Variants in PLEKHF1 observed in about 807,000 individuals in gnomAD.
The protein encoded by PLEKHF1 is pleckstrin homology domain-containing family F member 1.
In PLEKHF1, 1 loss-of-function variant was observed where a neutral mutation model predicts 4.1. The ratio of observed to expected loss-of-function variants is 0.24; its 90% CI spans 0.09 to 1.15. PLEKHF1 has a LOEUF of 1.15. Among genes scored for constraint, PLEKHF1 ranks in the 50% most tolerant of loss-of-function variants. The pLI is 0.52. For missense variants in PLEKHF1, 429 were observed against 400.6 expected (o/e 1.07, Z -0.60); for synonymous variants, 182 against 178.5 (o/e 1.02, Z -0.16).
At position 29,674,105 on chromosome 19, in the gene PLEKHF1, T is replaced by C; in HGVS notation, c.266T>C (p.Leu89Pro). 6.2e-7 allele frequency: 1 copy of C among 1,613,990 alleles called. No homozygotes were observed. The highest frequency in any genetic ancestry group is 8.5e-7 in the Non-Finnish European group (1 of 1,180,016). Residue 89 changes from leucine to proline, a missense_variant, in exon 2 of 2, where the codon CTG (leucine) becomes CCG (proline). Transcript: ENST00000436066. ...IIPLEEVTLE[L>P]LPETLQAKNR... The stretch of plus-strand genomic sequence containing the variant: ...CCCCTGGAGGAGGTCACACTGGAGC[T>C]GTTGCCGGAGACGCTGCAGGCCAAG...
At chr19:29,670,283 C>T (rs1297429879) in intron 1 of PLEKHF1, among the ~76,000 whole-genome samples, 3 of 152,152 alleles carry the variant, frequency 2.0e-5, no homozygotes, top group African/African-American at 4.8e-5. Context: ...AGACAACCTC[C>T]GCATTCCCCT....
chr19:29,673,143 G>A (rs573094918), intron 1 of PLEKHF1, among the ~76,000 whole-genome samples: 123 of 152,300 alleles, frequency 8.1e-4, no homozygotes, highest in Middle Eastern at 6.8e-3. Context: ...AGCACTCGGC[G>A]CCTGTGCTTG....
intron 1 of PLEKHF1, chr19:29,667,232 C>CA (rs1362302628): frequency 1.3e-5 from 2 of 152,596 alleles, no homozygotes; most frequent in African/African-American, 4.8e-5. Flanking sequence ...ACCGTCCTCC[C>CA]AGGCCCTGCC....
At position 29,674,053 on chromosome 19, in the gene PLEKHF1, C is replaced by T. The variant is rs139410556; in HGVS notation, c.214C>T (p.Arg72Cys). ...GTATGGCAGCATCGTGCTCAACAAGCGCAAGTACCGCAGCCAGCACATCAT... is the reference window on the plus strand; with the variant it reads ...GTATGGCAGCATCGTGCTCAACAAGTGCAAGTACCGCAGCCAGCACATCAT... Reference protein sequence around the residue: ...LVYGSIVLNKRKYRSQHIIPL... With the variant: ...LVYGSIVLNKCKYRSQHIIPL... The change falls in exon 2 of 2, where the codon CGC (arginine) becomes TGC (cysteine). Residue 72 changes from arginine (R) to cysteine (C), a missense_variant. Physicochemically the swap from Arg to Cys is radical, Grantham distance 180. Transcript: ENST00000436066. 3.1e-6 allele frequency: 5 copies of T among 1,614,128 alleles called. No individual in the cohort carries two copies. The highest frequency in any genetic ancestry group is 1.1e-5 in the South Asian group (1 of 91,092).
intron 1 of PLEKHF1, among the ~76,000 whole-genome samples, chr19:29,669,547 A>C (rs1413778783): frequency 2.0e-5 from 3 of 152,200 alleles, no homozygotes; most frequent in Non-Finnish European, 4.4e-5. Flanking sequence ...AGGCCCAGCC[A>C]GGCGTCCCAT....
At chr19:29,669,551 G>C (rs139485004) in intron 1 of PLEKHF1, among the ~76,000 whole-genome samples, 1 of 152,148 alleles carries the variant, frequency 6.6e-6, no homozygotes, top group African/African-American at 2.4e-5. Context: ...CCAGCCAGGC[G>C]TCCCATCATG....
intron 1 of PLEKHF1, among the ~76,000 whole-genome samples, chr19:29,669,473 T>C (rs1971606082): frequency 6.6e-6 from 1 of 152,192 alleles, no homozygotes; most frequent in Non-Finnish European, 1.5e-5. Flanking sequence ...GTGGCCTTGC[T>C]TCTTCGGGGC....
rs535692925 is a variant in PLEKHF1, at chr19:29,671,161, G to A, written c.-16-2663G>A. On this transcript the variant is annotated intron_variant, in intron 1 of 1. Coordinates refer to ENST00000436066, the MANE Select transcript of PLEKHF1 (RefSeq NM_024310.5). The surrounding 1 kb of genome is among the most constrained non-coding windows in gnomAD (Gnocchi z 4.0). ...GTCACACAGGCTGGAGTGCAATGGC[G>A]CCATCTTGGCTCACTGCAACCTCTG... Among the ~76,000 whole-genome samples, 4 of 149,288 alleles carry A rather than the reference G, an allele frequency of 2.7e-5. No homozygotes were observed. The highest frequency in any genetic ancestry group is 2.1e-4 in the South Asian group (1 of 4,720).
At chr19:29,666,838 G>A (rs1971574883) in intron 1 of PLEKHF1, 1 of 152,224 alleles carries the variant, frequency 6.6e-6, no homozygotes, top group South Asian at 2.1e-4. Flanking sequence ...CTCAGTCGGC[G>A]GCACTTCCAG....
At chr19:29,673,543 C>G (rs1971654546) in intron 1 of PLEKHF1, among the ~76,000 whole-genome samples, 1 of 152,148 alleles carries the variant, frequency 6.6e-6, no homozygotes, top group Non-Finnish European at 1.5e-5. Context: ...ACCGCTGCAC[C>G]TGGCCTAAGT....
At position 29,674,386 on chromosome 19, in the gene PLEKHF1, T is replaced by TG. The variant is rs1971675649; in HGVS notation, c.548dup (p.Cys183TrpfsTer3). On this transcript the variant is annotated frameshift_variant, in exon 2 of 2. Coordinates refer to ENST00000436066, the MANE Select transcript of PLEKHF1 (RefSeq NM_024310.5). LOFTEE classifies it low-confidence loss of function (END_TRUNC). ...CTGCCGCAAGTGCGGCTTCGTGGTC[T>TG]GCGCTGAGTGCTCGCGCCAGCGCTT... 6.5e-7 allele frequency: 1 copy of TG among 1,532,516 alleles called. No homozygotes were observed. The highest frequency in any genetic ancestry group is 2.0e-5 in the Admixed American group (1 of 50,948). The allele number at this position is 1,532,516 out of a possible 1,614,324, so 94.9% of individuals were successfully genotyped here. A position where few individuals can be genotyped will look rare whatever the true frequency, so the allele number is the denominator to read the frequency against.
rs565429478 is a variant in PLEKHF1 at position 29,674,606 on chromosome 19, G to A, written c.767G>A (p.Ser256Asn). Residue 256 changes from serine (S) to asparagine (N), a missense_variant, in exon 2 of 2, where the codon AGC (serine) becomes AAC (asparagine). Ser to Asn is a conservative substitution (Grantham distance 46, BLOSUM62 1). Coordinates refer to ENST00000436066, the MANE Select transcript of PLEKHF1 (RefSeq NM_024310.5). The stretch of plus-strand genomic sequence containing the variant: ...GACTCCGACGAGGACAAGGAGGGCA[G>A]CAGGGACGGCGACTGGCCCAGCAGC... The part of the protein sequence containing the change: ...DDDSDEDKEG[S>N]RDGDWPSSVE... 17 of 1,608,132 alleles carry A rather than the reference G, an allele frequency of 1.1e-5. No individual in the cohort carries two copies. In the East Asian group the frequency reaches 3.8e-4, roughly 36 times the overall value.
In PLEKHF1 at chr19:29,672,619, G is replaced by C. The variant is rs563318528; in HGVS notation, c.-16-1205G>C. On this transcript the variant is annotated intron_variant, in intron 1 of 1. Transcript: ENST00000436066. ...AGATGATGAGATTTACTCATGGCTT[G>C]AATATTGGAGGTACAGGAAGGGGGA... 5.3e-5 allele frequency among the ~76,000 whole-genome samples: 8 copies of C among 152,312 alleles called. No homozygotes were observed. The South Asian group carries it at 1.7e-3, about 32-fold the overall frequency.
intron 1 of PLEKHF1, among the ~76,000 whole-genome samples, chr19:29,667,650 C>G (rs571422306): frequency 6.6e-5 from 10 of 151,834 alleles, no homozygotes; most frequent in Non-Finnish European, 1.3e-4. Context: ...CCACCGCTGC[C>G]CAGCTCCTAC....
rs932208520 is a variant in PLEKHF1, at chr19:29,671,033, GCA to G, written c.-16-2788_-16-2787del. On this transcript the variant is annotated intron_variant, in intron 1 of 1. Coordinates refer to ENST00000436066, the MANE Select transcript of PLEKHF1 (RefSeq NM_024310.5). The surrounding 1 kb of genome is among the most constrained non-coding windows in gnomAD (Gnocchi z 4.0). ...ACCAGTTCCTATTCTCATCAGCAGTGCACAGTTTCCAGTTTCTCCACACCCTC... is the reference window on the plus strand; with the variant it reads ...ACCAGTTCCTATTCTCATCAGCAGTGCAGTTTCCAGTTTCTCCACACCCTC... Among the ~76,000 whole-genome samples, 10 of 151,784 alleles carry G rather than the reference GCA, an allele frequency of 6.6e-5. No homozygotes were observed. The highest frequency in any genetic ancestry group is 2.4e-4 in the African/African-American group (10 of 41,392).
chr19:29,669,479 G>A lies in PLEKHF1; in HGVS notation c.-17+3974G>A, dbSNP rs547979655. ...GGGGCACACGTGGCCTTGCTTCTTC[G>A]GGGCTCCTGACATCCCCTGCAGGTG... On this transcript the variant is annotated intron_variant, in intron 1 of 1. Transcript: ENST00000436066. Among the ~76,000 whole-genome samples, 6 of 152,234 alleles carry A rather than the reference G, an allele frequency of 3.9e-5. No individual in the cohort carries two copies. The East Asian group carries it at 5.8e-4, about 15-fold the overall frequency.
Position 29,665,525 on chromosome 19 carries a change from C to A in PLEKHF1, c.-17+20C>A, listed in dbSNP as rs1207191889. The A allele has an allele frequency of 8.0e-7, 1 of 1,247,510 alleles. No individual in the cohort carries two copies. The highest frequency in any genetic ancestry group is 2.6e-5 in the Admixed American group (1 of 39,052). The allele number at this position is 1,247,510 out of a possible 1,614,324, so 77.3% of individuals were successfully genotyped here. A position where few individuals can be genotyped will look rare whatever the true frequency, so the allele number is the denominator to read the frequency against. ...CAGAAGGTGAGTCCCCCCACCGTCC[C>A]CCGGCCGGGCTGCGGGTCGCGGGGC... is the stretch of plus-strand genomic sequence containing the variant. On this transcript the variant is annotated intron_variant, in intron 1 of 1. Transcript: ENST00000436066.
At position 29,673,931 on chromosome 19, in the gene PLEKHF1, T is replaced by C. The variant is rs1166607988; in HGVS notation, c.92T>C (p.Leu31Pro). 1.9e-6 allele frequency: 3 copies of C among 1,613,350 alleles called. No individual in the cohort carries two copies. The East Asian group carries it at 6.7e-5, about 36-fold the overall frequency. Residue 31 changes from leucine (L) to proline (P), a missense_variant, in exon 2 of 2, where the codon CTG (leucine) becomes CCG (proline). Coordinates refer to ENST00000436066, the MANE Select transcript of PLEKHF1 (RefSeq NM_024310.5). ...CFGASGQPLALPGRVLLGEGV... is the reference protein window; with the variant it reads ...CFGASGQPLAPPGRVLLGEGV... ...GGGGCCTCGGGGCAGCCGCTGGCGC[T>C]GCCAGGCCGAGTGCTGCTGGGCGAG... is the stretch of plus-strand genomic sequence containing the variant.
At position 29,671,690 on chromosome 19, in the gene PLEKHF1, C is replaced by T. The variant is rs1971633214; in HGVS notation, c.-16-2134C>T. Among the ~76,000 whole-genome samples, 2 of 152,138 alleles carry T rather than the reference C, an allele frequency of 1.3e-5. No homozygotes were observed. Among genetic ancestry groups the T allele is most frequent in the Admixed American group, 1.3e-4 (2 of 15,266 alleles). On this transcript the variant is annotated intron_variant, in intron 1 of 1. Coordinates refer to ENST00000436066, the MANE Select transcript of PLEKHF1 (RefSeq NM_024310.5). This position sits in a 1 kb window ranked among gnomAD's most constrained non-coding sequence, Gnocchi z 4.0. ...GTAGTGTGGGCAGCCCTTCTCAGGA[C>T]ACTTGTGATCTGCAGGGGCAAGTGG...
Sources: gnomAD v4.1 joint callset for allele counts (sites outside exome capture counted in the v4.1 genomes callset) on GRCh38, gnomAD v4.1.1 for gene constraint, Gnocchi (gnomAD v3.1) non-coding constraint, MANE v1.5 for transcripts, NCBI Gene and HGNC (gene_info 2026-07-23, HGNC 2026-07-21) for gene names.